CCDC191: variants seen among roughly 807,000 people sequenced by gnomAD.
CCDC191 encodes the protein coiled-coil domain-containing protein 191.
Under a neutral mutation model 114.0 loss-of-function variants are expected in CCDC191, and 99 were observed. The ratio of observed to expected loss-of-function variants is 0.87; its 90% confidence interval spans 0.74 to 1.03. CCDC191 has a LOEUF of 1.03. Among genes scored for constraint, CCDC191 ranks in the 50% least tolerant of loss-of-function variants. CCDC191 has a pLI of 0.00. For synonymous variants in CCDC191, 351 were observed against 376.0 expected (o/e 0.93, Z 0.77); for missense variants, 973 against 1,087.0 (o/e 0.90, Z 1.47).
chr3:114,042,873 T>C, intron 3 of CCDC191, 27 bp from the exon 4 acceptor site: 1 of 1,572,572 alleles, frequency 6.4e-7, no homozygotes, highest in South Asian at 1.2e-5. Flanking sequence ...ACATGTTAAG[T>C]ATTTCAGTTA....
chr3:114,047,541 T>C (rs2076646276), intron 2 of CCDC191, among the ~76,000 whole-genome samples: 1 of 152,106 alleles, frequency 6.6e-6, no homozygotes, highest in South Asian at 2.1e-4. Flanking sequence ...TGCACACCTA[T>C]AATCCTAGCT....
At chr3:113,982,813 T>G (rs2075207314) in intron 13 of CCDC191, among the ~76,000 whole-genome samples, 1 of 146,194 alleles carries the variant, frequency 6.8e-6, no homozygotes, top group Non-Finnish European at 1.5e-5. Context: ...TTCCTATCAG[T>G]ATGCAAATAT....
chr3:113,992,637 T>C (rs953953647), intron 13 of CCDC191, among the ~76,000 whole-genome samples: 2 of 151,910 alleles, frequency 1.3e-5, no homozygotes, highest in African/African-American at 4.8e-5. Context: ...AAATGACGAG[T>C]TAATGGGTGC....
intron 9 of CCDC191, among the ~76,000 whole-genome samples, chr3:114,006,513 C>T (rs1230250041): frequency 2.0e-5 from 3 of 147,436 alleles, no homozygotes; most frequent in South Asian, 2.1e-4. Flanking sequence ...CCAGGACATT[C>T]GTAATAGCAA....
At chr3:114,054,599 T>G (rs2076740915) in intron 1 of CCDC191, among the ~76,000 whole-genome samples, 1 of 152,206 alleles carries the variant, frequency 6.6e-6, no homozygotes, top group South Asian at 2.1e-4. Flanking sequence ...ATTGCACCAC[T>G]GCGCTCCAGC....
At position 114,048,727 on chromosome 3, in the gene CCDC191, G is replaced by A. The variant is rs536721638; in HGVS notation, c.130-1995C>T. ...TCTCCTTCTCCCCGTCCTCTGCTCT[G>A]ATTGTCTCTATAGTACTTACCATCT... On this transcript the variant is annotated intron_variant, in intron 2 of 16. Coordinates refer to ENST00000295878, the MANE Select transcript of CCDC191 (RefSeq NM_020817.2). Among the ~76,000 whole-genome samples the A allele has an allele frequency of 5.9e-5, 9 of 152,240 alleles. No individual in the cohort carries two copies. In the East Asian group the frequency reaches 1.2e-3, roughly 20 times the overall value.
chr3:114,035,312 G>C (rs1439762912), intron 5 of CCDC191, among the ~76,000 whole-genome samples, 164 bp from the exon 6 acceptor site: 1 of 152,036 alleles, frequency 6.6e-6, no homozygotes, highest in African/African-American at 2.4e-5. Context: ...CTGTTTACTG[G>C]GTAAAGATGA....
chr3:113,968,874 C>A (rs1308192546), intron 16 of CCDC191, among the ~76,000 whole-genome samples: 1 of 151,928 alleles, frequency 6.6e-6, no homozygotes, highest in African/African-American at 2.4e-5. Context: ...TAAAGGAACA[C>A]CTGAGGCTGG....
intron 8 of CCDC191, among the ~76,000 whole-genome samples, chr3:114,014,190 T>A (rs1025361020): frequency 6.6e-6 from 1 of 152,040 alleles, no homozygotes; most frequent in African/African-American, 2.4e-5. Context: ...GATGAGCAGG[T>A]TTAGCTGGAA....
chr3:113,978,091 C>G (rs917444073), intron 16 of CCDC191, 95 bp downstream of exon 16: 5 of 1,409,516 alleles, frequency 3.5e-6, no homozygotes, highest in Admixed American at 1.8e-5. Context: ...CTCCTAGCCT[C>G]CAGCTCATCT....
chr3:114,046,224 G>GT (rs1360246462), intron 3 of CCDC191, among the ~76,000 whole-genome samples: 1 of 152,160 alleles, frequency 6.6e-6, no homozygotes, highest in Non-Finnish European at 1.5e-5. Context: ...AGGTTAAACT[G>GT]TTTTTAGGGT....
chr3:113,982,249 T>C (rs2075181247), intron 13 of CCDC191, among the ~76,000 whole-genome samples: 1 of 152,184 alleles, frequency 6.6e-6, no homozygotes, highest in Non-Finnish European at 1.5e-5. Flanking sequence ...TACACTTCCA[T>C]GGAAAAATAT....
chr3:113,985,366 C>T (rs1049777566), intron 13 of CCDC191, among the ~76,000 whole-genome samples: 1 of 152,128 alleles, frequency 6.6e-6, no homozygotes, highest in South Asian at 2.1e-4. Flanking sequence ...GGGGATTCTG[C>T]CCAGACAAGT....
chr3:113,980,676 T>G lies in CCDC191; in HGVS notation c.2281A>C (p.Arg761=), dbSNP rs768343931. ...TGGATGTTTTGTTTGCTTTGCATTC[T>G]CAATCTCTTCCAAGGCTCTAGACCT... ...KKGLEPWKRL[R]MQSKQNIQVA... is the part of the protein sequence containing the mutation. The change falls in exon 14 of 17, where the codon AGA becomes CGA. Residue 761 remains arginine, a synonymous_variant. Coordinates refer to ENST00000295878, the MANE Select transcript of CCDC191 (RefSeq NM_020817.2). The G allele has an allele frequency of 6.3e-7, 1 of 1,595,292 alleles. No homozygotes were observed. The highest frequency in any genetic ancestry group is 2.3e-5 in the East Asian group (1 of 44,328).
chr3:114,028,524 A>G, intron 7 of CCDC191, among the ~76,000 whole-genome samples: 1 of 151,824 alleles, frequency 6.6e-6, no homozygotes, highest in Non-Finnish European at 1.5e-5. Context: ...TGACCTCGTG[A>G]TCCGCCCGCT....
At chr3:113,999,554 A>G (rs534686658) in intron 13 of CCDC191, among the ~76,000 whole-genome samples, 4 of 152,328 alleles carry the variant, frequency 2.6e-5, no homozygotes, top group African/African-American at 9.6e-5. Flanking sequence ...AGGCAGGACT[A>G]TGAATGTTGC....
intron 13 of CCDC191, among the ~76,000 whole-genome samples, chr3:113,997,216 C>CA (rs2075744993): frequency 3.3e-5 from 5 of 152,022 alleles, no homozygotes; most frequent in Non-Finnish European, 7.4e-5. Flanking sequence ...AGGGCATTTA[C>CA]AAATAAGCAA....
intron 2 of CCDC191, chr3:114,047,041 T>C (rs2076639712): frequency 2.1e-6 from 2 of 951,002 alleles, no homozygotes; most frequent in South Asian, 4.9e-5. Flanking sequence ...TCCTGAGACA[T>C]GGATATTTTA....
At chr3:113,992,614 T>C (rs1352128429) in intron 13 of CCDC191, among the ~76,000 whole-genome samples, 1 of 152,090 alleles carries the variant, frequency 6.6e-6, no homozygotes, top group East Asian at 1.9e-4. Flanking sequence ...CATTAGTAGA[T>C]ATACCTAATG....
Sources: gnomAD v4.1 joint callset for allele counts (sites outside exome capture counted in the v4.1 genomes callset) on GRCh38, gnomAD v4.1.1 for gene constraint, MANE v1.5 for transcripts, NCBI Gene and HGNC (gene_info 2026-07-23, HGNC 2026-07-21) for gene names.